POLR3C: variants seen among roughly 807,000 people sequenced by gnomAD.
POLR3C encodes DNA-directed RNA polymerase III subunit RPC3.
POLR3C carries 44 observed loss-of-function variants against 65.9 expected under a neutral mutation model. That is an observed-to-expected ratio of 0.67 (90% CI 0.52 to 0.86). The LOEUF (loss-of-function observed/expected upper bound fraction) is 0.86. Ranked by LOEUF, POLR3C falls within the 40% of genes least tolerant of loss-of-function variation. The pLI is 0.00. For missense variants in POLR3C, 576 were observed against 653.2 expected, an observed-to-expected ratio of 0.88 and a Z score of 1.29; for synonymous variants, 263 against 231.6, an observed-to-expected ratio of 1.14 and a Z score of -1.23.
At chr1:145,828,156 G>C (rs1234283812) in intron 4 of POLR3C, among the ~76,000 whole-genome samples, 1 of 152,178 alleles carries the variant, frequency 6.6e-6, no homozygotes, top group Non-Finnish European at 1.5e-5. Flanking sequence ...AGCAAAGCAA[G>C]AGAGGCATGA....
In POLR3C at chr1:145,840,959, AT is replaced by A. The variant is rs1652243483; in HGVS notation, c.1413del (p.Ile471MetfsTer17). 6.2e-7 allele frequency: 1 copy of A among 1,613,322 alleles called. No homozygotes were observed. The highest frequency in any genetic ancestry group is 1.3e-5 in the African/African-American group (1 of 74,934). On this transcript the variant is annotated frameshift_variant, in exon 14 of 15. Coordinates refer to ENST00000334163, the MANE Select transcript of POLR3C (RefSeq NM_006468.8). LOFTEE classifies it high-confidence loss of function. ...LEKSQRVEAIIASMQATGAEE... is the reference protein window; with the variant it reads ...LEKSQRVEAIXASMQATGAEE... ...AAAATCTCAGAGGGTAGAAGCCATC[AT>A]TGCATCTATGCAGGCTACTGGTGCA...
intron 13 of POLR3C, 145 bp downstream of exon 13, chr1:145,840,310 C>T (rs1300578636): frequency 9.4e-6 from 6 of 635,496 alleles, no homozygotes; most frequent in Admixed American, 7.1e-5. Context: ...GAGGCTGAGG[C>T]AGGTGGATCA....
rs186234926 is a variant in POLR3C, at chr1:145,839,804, A to G, written c.1222-86A>G. 1.6e-4 allele frequency: 120 copies of G among 743,338 alleles called. No individual in the cohort carries two copies. In the East Asian group the frequency reaches 2.2e-3, roughly 14 times the overall value. The allele number at this position is 743,338 out of a possible 1,614,324, so 46.0% of individuals were successfully genotyped here. A position where few individuals can be genotyped will look rare whatever the true frequency, so the allele number is the denominator to read the frequency against. On this transcript the variant is annotated intron_variant, in intron 11 of 14. Coordinates refer to ENST00000334163, the MANE Select transcript of POLR3C (RefSeq NM_006468.8). ...GAAAGTGTAAGTAAAAAGGAGGGCTAAGTAACTCCAGGTAGAATGAGTGTG... is the reference window on the plus strand; with the variant it reads ...GAAAGTGTAAGTAAAAAGGAGGGCTGAGTAACTCCAGGTAGAATGAGTGTG...
chr1:145,842,847 C>T lies in POLR3C; in HGVS notation c.*427C>T. ...GTTGTTGTTGAGACAGGATCTCACTCTGTCACTCAGGCTGGGGTGTAATAG... is the reference window on the plus strand; with the variant it reads ...GTTGTTGTTGAGACAGGATCTCACTTTGTCACTCAGGCTGGGGTGTAATAG... On this transcript the variant is annotated 3_prime_UTR_variant, in exon 15 of 15. Transcript: ENST00000334163. Among the ~76,000 whole-genome samples, 1 of 128,650 alleles carries T rather than the reference C, an allele frequency of 7.8e-6. No individual in the cohort carries two copies. The highest frequency in any genetic ancestry group is 2.1e-4 in the East Asian group (1 of 4,820). The allele number at this position is 128,650 out of a possible 152,430, so 84.4% of individuals were successfully genotyped here. A position where few individuals can be genotyped will look rare whatever the true frequency, so the allele number is the denominator to read the frequency against.
chr1:145,834,111 A>G (rs1651583801), intron 7 of POLR3C, among the ~76,000 whole-genome samples: 1 of 152,216 alleles, frequency 6.6e-6, no homozygotes, highest in Non-Finnish European at 1.5e-5. Flanking sequence ...TATGGCTTCT[A>G]GGCTGTAAAC....
chr1:145,843,471 A>G lies in POLR3C; in HGVS notation c.*1051A>G, dbSNP rs1553731225. On this transcript the variant is annotated 3_prime_UTR_variant, in exon 15 of 15. Coordinates refer to ENST00000334163, the MANE Select transcript of POLR3C (RefSeq NM_006468.8). ...AATTGCCAGCCACCATACTAAACAC[A>G]ACATACAAGGATAGATAAATAAGAC... is the stretch of plus-strand genomic sequence containing the variant. 6.6e-6 allele frequency among the ~76,000 whole-genome samples: 1 copy of G among 152,260 alleles called. No homozygotes were observed. Among genetic ancestry groups the G allele is most frequent in the Non-Finnish European group, 1.5e-5 (1 of 68,050 alleles).
At position 145,836,825 on chromosome 1, in the gene POLR3C, T is replaced by C. The variant is rs144101553; in HGVS notation, c.968T>C (p.Val323Ala). The C allele has an allele frequency of 6.9e-4, 1,099 of 1,590,702 alleles. 9 individuals are homozygous for C. The African/African-American group carries it at 0.013, about 19-fold the overall frequency. Residue 323 changes from valine to alanine, a missense_variant, in exon 9 of 15, where the codon GTT becomes GCT. Transcript: ENST00000334163. ...TCTTTTTCTTAATAGCTAGAGTTTG[T>C]TGGAAAGTCTGGCGACAGTGGTGGA... ...TLLADDPLEF[V>A]GKSGDSGGGM...
chr1:145,826,466 C>T lies in POLR3C; in HGVS notation c.160C>T (p.Leu54=), dbSNP rs2101629835. 2 of 1,613,510 alleles carry T rather than the reference C, an allele frequency of 1.2e-6. No homozygotes were observed. The highest frequency in any genetic ancestry group is 1.7e-6 in the Non-Finnish European group (2 of 1,179,780). The change falls in exon 3 of 15, where the codon CTG becomes TTG. Residue 54 remains leucine (L), a synonymous_variant. Coordinates refer to ENST00000334163, the MANE Select transcript of POLR3C (RefSeq NM_006468.8). The part of the protein sequence containing the change: ...GTSLDQVKKA[L]CVLVQHNLVS... The stretch of plus-strand genomic sequence containing the variant: ...ATGTTCCATTTAGGTGAAGAAAGCC[C>T]TGTGTGTCCTCGTCCAACATAACCT...
Position 145,826,621 on chromosome 1 carries a change from G to A in POLR3C, c.315G>A (p.Leu105=). 2 of 1,614,104 alleles carry A rather than the reference G, an allele frequency of 1.2e-6. No homozygotes were observed. Among genetic ancestry groups the A allele is most frequent in the Non-Finnish European group, 1.7e-6 (2 of 1,179,966 alleles). ...CTCTGTACAGTGACACTGGAGAGCT[G>A]ATTGTTGAGGAGCTTCTGTTGAACG... is the stretch of plus-strand genomic sequence containing the variant. ...TKTLYSDTGE[L]IVEELLLNGK... Residue 105 remains leucine (L), a synonymous_variant, in exon 3 of 15, where the codon CTG becomes CTA. Transcript: ENST00000334163.
At chr1:145,842,181 C>G (rs370147024) in intron 14 of POLR3C, among the ~76,000 whole-genome samples, 158 bp from the exon 15 acceptor site, 2 of 152,244 alleles carry the variant, frequency 1.3e-5, no homozygotes, top group South Asian at 4.1e-4. Flanking sequence ...TAAAGATGCT[C>G]GGTAAATAGC....
At chr1:145,836,362 C>T (rs1468175749) in intron 7 of POLR3C, 132 bp from the exon 8 acceptor site, 6 of 656,874 alleles carry the variant, frequency 9.1e-6, no homozygotes, top group Non-Finnish European at 1.6e-5. Context: ...CAAAGTGATC[C>T]ACCTGCCTCA....
intron 9 of POLR3C, among the ~76,000 whole-genome samples, chr1:145,837,222 G>A (rs1442782769): frequency 1.3e-5 from 2 of 152,106 alleles, no homozygotes; most frequent in Admixed American, 6.5e-5. Flanking sequence ...TGGGAGGATC[G>A]CTAGAGCCCA....
chr1:145,828,260 T>C (rs1650951493), intron 4 of POLR3C, among the ~76,000 whole-genome samples: 2 of 152,186 alleles, frequency 1.3e-5, no homozygotes, highest in Admixed American at 1.3e-4. Flanking sequence ...AGGCAGGGGC[T>C]GAATCAAGTA....
At chr1:145,824,823 A>G (rs77456742) in intron 1 of POLR3C, among the ~76,000 whole-genome samples, 3,558 of 152,170 alleles carry the variant, frequency 0.023, 159 homozygotes, top group African/African-American at 0.081. Flanking sequence ...CGAAATTATC[A>G]TTTCCTTTAT....
chr1:145,831,479 C>T (rs1029108120), intron 5 of POLR3C, among the ~76,000 whole-genome samples: 19 of 148,096 alleles, frequency 1.3e-4, no homozygotes, highest in Middle Eastern at 3.4e-3. Flanking sequence ...TGTGCCACTT[C>T]ACTCCAGCCT....
At chr1:145,832,988 C>T (rs1230652028) in intron 5 of POLR3C, among the ~76,000 whole-genome samples, 1 of 152,158 alleles carries the variant, frequency 6.6e-6, no homozygotes, top group African/African-American at 2.4e-5. Flanking sequence ...TGCCACTGCA[C>T]TCCAGCCTGG....
Position 145,838,089 on chromosome 1 carries a change from A to G in POLR3C, c.1104A>G (p.Leu368=), listed in dbSNP as rs782138559. 5 of 1,614,120 alleles carry G rather than the reference A, an allele frequency of 3.1e-6. No individual in the cohort carries two copies. In the South Asian group the frequency reaches 4.4e-5, roughly 14 times the overall value. Residue 368 remains leucine, a synonymous_variant, in exon 11 of 15, where the codon CTA becomes CTG. Transcript: ENST00000334163. ...FGSRCARIFR[L]VLQKKHIEQK... ...CTCGCTGTGCTAGAATATTCCGTCT[A>G]GTTTTGCAGAAGAAACACATAGAGC...
In POLR3C at chr1:145,826,540, G is replaced by A. The variant is rs782443270; in HGVS notation, c.234G>A (p.Gln78=). ...HKRGVVEYEA[Q]CSRVLRMLRY... is the part of the protein sequence containing the mutation. ...GTGGTGTGGTGGAGTATGAAGCCCAGTGCAGCCGGGTATTGCGAATGCTTA... is the reference window on the plus strand; with the variant it reads ...GTGGTGTGGTGGAGTATGAAGCCCAATGCAGCCGGGTATTGCGAATGCTTA... Residue 78 remains glutamine (Q), a synonymous_variant, in exon 3 of 15, where the codon CAG becomes CAA. Transcript: ENST00000334163. The A allele has an allele frequency of 7.4e-6, 12 of 1,613,872 alleles. No individual in the cohort carries two copies. The East Asian group carries it at 2.7e-4, about 36-fold the overall frequency.
intron 4 of POLR3C, 139 bp downstream of exon 4, chr1:145,827,144 A>G (rs782624277): frequency 1.2e-5 from 9 of 726,470 alleles, no homozygotes; most frequent in Non-Finnish European, 1.9e-5. Flanking sequence ...TGAAAAAATC[A>G]TGGTCTCTGC....
Sources: allele counts gnomAD v4.1 joint callset (sites outside exome capture counted in the v4.1 genomes callset), GRCh38; gene constraint gnomAD v4.1.1; transcripts MANE v1.5; gene names NCBI Gene and HGNC (gene_info 2026-07-23, HGNC 2026-07-21).